Variants in AMZ2 observed in about 807,000 individuals in gnomAD.
AMZ2 encodes the protein archaemetzincin-2.
AMZ2 carries 26 observed loss-of-function variants against 36.7 expected under a neutral mutation model. The ratio of observed to expected loss-of-function variants is 0.71; its 90% CI spans 0.52 to 0.98. The LOEUF is 0.98. Among genes scored for constraint, AMZ2 ranks in the 50% least tolerant of loss-of-function variants. The pLI is 0.00. For missense variants in AMZ2, 394 were observed against 430.5 expected (o/e 0.92, Z 0.75); for synonymous variants, 144 against 149.1 (o/e 0.97, Z 0.25).
chr17:68,246,977 G>C (rs543325671), upstream of AMZ2: 5 of 152,376 alleles, frequency 3.3e-5, no homozygotes, highest in African/African-American at 4.8e-5. Flanking sequence ...CGGGGTGCGG[G>C]GGGGTGGATC....
At position 68,250,264 on chromosome 17, in the gene AMZ2, A is replaced by G. The variant is rs782809066; in HGVS notation, c.77A>G (p.Tyr26Cys). The G allele has an allele frequency of 3.1e-6, 5 of 1,614,082 alleles. No homozygotes were observed. Among genetic ancestry groups the G allele is most frequent in the Non-Finnish European group, 3.4e-6 (4 of 1,180,040 alleles). The change falls in exon 2 of 7, where the codon TAT (tyrosine) becomes TGT (cysteine). Residue 26 changes from tyrosine to cysteine, a missense_variant. Tyr to Cys is a radical substitution (Grantham distance 194, BLOSUM62 -2). Transcript: ENST00000359904. The part of the protein sequence containing the change: ...ISKNPVLVSQ[Y>C]EKLNAGEQRL... ...AAGAACCCAGTGCTTGTATCACAGT[A>G]TGAGAAATTAAATGCTGGGGAACAA...
chr17:68,236,592 G>C (rs548287037), intron 1 of AMZ2, among the ~76,000 whole-genome samples: 1 of 95,412 alleles, frequency 1.0e-5, no homozygotes, highest in Non-Finnish European at 1.9e-5. Flanking sequence ...TTTTTTTTGA[G>C]ACGGATTCTC....
At chr17:68,223,921 G>A (rs547692627) in intron 1 of AMZ2, among the ~76,000 whole-genome samples, 64 of 142,808 alleles carry the variant, frequency 4.5e-4, no homozygotes, top group South Asian at 1.4e-3. Context: ...ACGGAGTCTC[G>A]CTCTGTCGCC....
intron 1 of AMZ2, among the ~76,000 whole-genome samples, chr17:68,227,175 C>T (rs1388194025): frequency 6.6e-6 from 1 of 152,202 alleles, no homozygotes; most frequent in Non-Finnish European, 1.5e-5. Context: ...TCACACCCAT[C>T]TCAGCGAGAG....
chr17:68,217,601 G>T (rs1278926779), intron 1 of AMZ2, among the ~76,000 whole-genome samples: 1 of 152,082 alleles, frequency 6.6e-6, no homozygotes, highest in African/African-American at 2.4e-5. Context: ...AGTAATTTCA[G>T]TTTAACTGTA....
chr17:68,238,230 G>T (rs1390921624), intron 1 of AMZ2, among the ~76,000 whole-genome samples: 7 of 151,790 alleles, frequency 4.6e-5, no homozygotes, highest in African/African-American at 1.7e-4. Context: ...TTTTTAAATA[G>T]AAATCAGAGT....
Position 68,250,182 on chromosome 17 carries a change from T to A in AMZ2, c.1-6T>A. On this transcript the variant is annotated splice_polypyrimidine_tract_variant and splice_region_variant and intron_variant, in intron 1 of 6. Coordinates refer to ENST00000359904, the MANE Select transcript of AMZ2 (RefSeq NM_016627.5). Reference sequence around the variant, plus strand: ...TTATATTTGATTACTTGCTTTTTTTTGTTAGATGCAAATAATACGGCACTC... The same window carrying A: ...TTATATTTGATTACTTGCTTTTTTTAGTTAGATGCAAATAATACGGCACTC... 1 of 1,604,872 alleles carries A rather than the reference T, an allele frequency of 6.2e-7. No homozygotes were observed. The highest frequency in any genetic ancestry group is 8.5e-7 in the Non-Finnish European group (1 of 1,176,146).
chr17:68,254,620 C>T, intron 5 of AMZ2, 53 bp downstream of exon 5: 1 of 1,442,842 alleles, frequency 6.9e-7, no homozygotes, highest in Non-Finnish European at 9.6e-7. Context: ...GATCTTAGTT[C>T]CGTAAACTGT....
At chr17:68,245,318 G>T (rs1347699227), upstream of AMZ2, among the ~76,000 whole-genome samples, 7 of 151,786 alleles carry the variant, frequency 4.6e-5, no homozygotes, top group Non-Finnish European at 1.0e-4. Context: ...GCTGACTGCA[G>T]CCTCGATCTC....
chr17:68,254,851 C>T (rs2074776755), intron 5 of AMZ2, among the ~76,000 whole-genome samples: 1 of 152,126 alleles, frequency 6.6e-6, no homozygotes, highest in Admixed American at 6.5e-5. Flanking sequence ...AGTGGGTAAC[C>T]TACTTTTTCA....
chr17:68,224,131 C>T (rs7207764), intron 1 of AMZ2, among the ~76,000 whole-genome samples: 49,716 of 151,754 alleles, frequency 0.33, 8,657 homozygotes, highest in African/African-American at 0.45. Context: ...TTAGTAGAGA[C>T]GGGGTTTTGC....
chr17:68,241,110 A>G (rs2073891917), intron 1 of AMZ2, among the ~76,000 whole-genome samples: 1 of 152,180 alleles, frequency 6.6e-6, no homozygotes, highest in Non-Finnish European at 1.5e-5. Context: ...GACAACCAGT[A>G]TAGATATGAA....
At chr17:68,241,172 T>C (rs1177747026) in intron 1 of AMZ2, among the ~76,000 whole-genome samples, 1 of 152,076 alleles carries the variant, frequency 6.6e-6, no homozygotes, top group African/African-American at 2.4e-5. Flanking sequence ...GCATGGGCCA[T>C]GTAGAGAAGC....
Position 68,250,788 on chromosome 17 carries a change from T to C in AMZ2, c.284-6T>C, listed in dbSNP as rs1555739058. 2.6e-6 allele frequency: 4 copies of C among 1,564,236 alleles called. No homozygotes were observed. The South Asian group carries it at 3.6e-5, about 14-fold the overall frequency. ...GTCTGTTTTTAAATGTTCTTCCATA[T>C]TGTAGGCTCTCTAGGAAACACCAGA... On this transcript the variant is annotated splice_polypyrimidine_tract_variant and splice_region_variant and intron_variant, in intron 2 of 6. Coordinates refer to ENST00000359904, the MANE Select transcript of AMZ2 (RefSeq NM_016627.5).
At chr17:68,220,782 CT>C (rs11298867) in intron 1 of AMZ2, among the ~76,000 whole-genome samples, 43,060 of 131,530 alleles carry the variant, frequency 0.33, 6,654 homozygotes, top group African/African-American at 0.47. Context: ...TTTTCTTTCT[CT>C]TTTTTTTTTT....
At chr17:68,244,814 AATT>A (rs1555734861), upstream of AMZ2, among the ~76,000 whole-genome samples, 1 of 152,202 alleles carries the variant, frequency 6.6e-6, no homozygotes, top group African/African-American at 2.4e-5. Flanking sequence ...GGTAAGAAAA[AATT>A]ATTAGTGTTT....
At chr17:68,209,445 C>T (rs1341538680) in intron 1 of AMZ2, among the ~76,000 whole-genome samples, 1 of 151,694 alleles carries the variant, frequency 6.6e-6, no homozygotes, top group Non-Finnish European at 1.5e-5. Context: ...CCGCCTGCCT[C>T]TGCCTCCCAA....
At chr17:68,223,896 A>T (rs1275651702) in intron 1 of AMZ2, among the ~76,000 whole-genome samples, 3,972 of 101,792 alleles carry the variant, frequency 0.039, 192 homozygotes, top group African/African-American at 0.14. Context: ...ATATATATAT[A>T]TATTTTTTTT....
In AMZ2 at chr17:68,255,867, A is replaced by C. The variant is rs1555742655; in HGVS notation, c.918A>C (p.Glu306Asp). 4 of 1,613,924 alleles carry C rather than the reference A, an allele frequency of 2.5e-6. No individual in the cohort carries two copies. The highest frequency in any genetic ancestry group is 3.4e-6 in the Non-Finnish European group (4 of 1,179,956). ...GTGCTGTTGGCTTCAGCATTGTAGAAAGATACAAAGTAAGTTGGGGGGTGG... is the reference window on the plus strand; with the variant it reads ...GTGCTGTTGGCTTCAGCATTGTAGACAGATACAAAGTAAGTTGGGGGGTGG... ...LQCAVGFSIV[E>D]RYKALVRWID... Residue 306 changes from glutamate to aspartate, a missense_variant, in exon 6 of 7, where the codon GAA (glutamate) becomes GAC (aspartate). Transcript: ENST00000359904.
Sources: gnomAD v4.1 joint callset for allele counts (sites outside exome capture counted in the v4.1 genomes callset) on GRCh38, gnomAD v4.1.1 for gene constraint, MANE v1.5 for transcripts, NCBI Gene and HGNC (gene_info 2026-07-23, HGNC 2026-07-21) for gene names.